CDH4: variants seen among roughly 807,000 people sequenced by gnomAD.
CDH4 encodes cadherin 4, also known as cadherin-4.
CDH4 carries 33 observed loss-of-function variants against 86.0 expected under a neutral mutation model. The ratio of observed to expected loss-of-function variants is 0.38; its 90% confidence interval spans 0.29 to 0.51. CDH4 has a LOEUF of 0.51. Ranked by LOEUF, CDH4 falls within the 20% of genes least tolerant of loss-of-function variation. The pLI is 0.86. For synonymous variants in CDH4, 555 were observed against 549.4 expected (o/e 1.01, Z -0.14); for missense variants, 1,114 against 1,307.4 (o/e 0.85, Z 2.28).
At chr20:61,640,094 G>A (rs187606470) in intron 2 of CDH4, among the ~76,000 whole-genome samples, 190 of 152,342 alleles carry the variant, frequency 1.2e-3, no homozygotes, top group Middle Eastern at 3.4e-3. Context: ...CACAGCTTCT[G>A]ATGGTTAGTG....
At chr20:61,314,080 A>G (rs1317355260) in intron 2 of CDH4, among the ~76,000 whole-genome samples, 1 of 152,250 alleles carries the variant, frequency 6.6e-6, no homozygotes, top group Non-Finnish European at 1.5e-5. Flanking sequence ...AGATCAAGTC[A>G]GTTCACATCT....
chr20:61,643,468 C>T (rs1292419750), intron 2 of CDH4, among the ~76,000 whole-genome samples: 1 of 152,210 alleles, frequency 6.6e-6, no homozygotes, highest in Non-Finnish European at 1.5e-5. Flanking sequence ...GGCAAGGCCA[C>T]TAGGGGGACC....
At chr20:61,729,230 G>A (rs528278069) in intron 2 of CDH4, among the ~76,000 whole-genome samples, 3 of 152,298 alleles carry the variant, frequency 2.0e-5, no homozygotes, top group South Asian at 2.1e-4. Context: ...CTGTGTTGGC[G>A]TGAGTGGGAG....
At chr20:61,719,192 T>A (rs1396828376) in intron 2 of CDH4, 2 of 437,124 alleles carry the variant, frequency 4.6e-6, no homozygotes, top group Admixed American at 5.5e-5. Flanking sequence ...AATCAGAGAT[T>A]TTTTTTTTTA....
intron 7 of CDH4, among the ~76,000 whole-genome samples, chr20:61,880,108 C>T (rs1984214499): frequency 6.6e-6 from 1 of 152,198 alleles, no homozygotes; most frequent in Admixed American, 6.5e-5. Context: ...TTCTCACCAC[C>T]ATCGACTTTA....
At chr20:61,711,009 C>T (rs986622338) in intron 2 of CDH4, among the ~76,000 whole-genome samples, 1 of 152,154 alleles carries the variant, frequency 6.6e-6, no homozygotes, top group Admixed American at 6.5e-5. Flanking sequence ...GCTGTGACCC[C>T]ACCCAAAATC....
intron 5 of CDH4, 73 bp from the exon 6 acceptor site, chr20:61,852,681 C>G (rs188708523): frequency 1.3e-6 from 2 of 1,515,722 alleles, no homozygotes; most frequent in African/African-American, 2.8e-5. Flanking sequence ...CCCAGCACCG[C>G]GGGTCCCAGG....
chr20:61,826,846 CAGAGGTTCTGCAGTCCACAG>C (rs1262881097), intron 4 of CDH4, among the ~76,000 whole-genome samples: 17 of 152,244 alleles, frequency 1.1e-4, no homozygotes, highest in Admixed American at 3.9e-4. Flanking sequence ...CCATCCAGTG[CAGAGGTTCTGCAGTCCACAG>C]AGAGGTCTGA....
At chr20:61,394,695 G>A (rs1486797270) in intron 2 of CDH4, among the ~76,000 whole-genome samples, 3 of 151,786 alleles carry the variant, frequency 2.0e-5, no homozygotes, top group Non-Finnish European at 4.4e-5. Flanking sequence ...GGGTGTTGGA[G>A]CCAGAACTGC....
intron 2 of CDH4, among the ~76,000 whole-genome samples, chr20:61,646,147 G>C (rs931553605): frequency 6.6e-6 from 1 of 152,086 alleles, no homozygotes; most frequent in Non-Finnish European, 1.5e-5. Flanking sequence ...TCAGAGGACC[G>C]AGCATGCAGT....
chr20:61,393,368 T>G lies in CDH4; in HGVS notation c.169+138431T>G, dbSNP rs551925020. Among the ~76,000 whole-genome samples, 61 of 152,102 alleles carry G rather than the reference T, an allele frequency of 4.0e-4. No homozygotes were observed. Among genetic ancestry groups the G allele is most frequent in the Non-Finnish European group, 7.1e-4 (48 of 67,972 alleles). On this transcript the variant is annotated intron_variant, in intron 2 of 15. Coordinates refer to ENST00000614565, the MANE Select transcript of CDH4 (RefSeq NM_001794.5). This position sits in a 1 kb window ranked among gnomAD's most constrained non-coding sequence, Gnocchi z 4.3. ...GGGGGGGGCCGGGGTCTTCCTTACC[T>G]CCTAGCTTGTGTATGGATCAACAAC...
At chr20:61,354,455 A>G (rs552469231) in intron 2 of CDH4, among the ~76,000 whole-genome samples, 1 of 152,326 alleles carries the variant, frequency 6.6e-6, no homozygotes, top group East Asian at 1.9e-4. Context: ...CCACTGATGC[A>G]CATTGACAGC....
At chr20:61,419,734 T>C (rs544755096) in intron 2 of CDH4, among the ~76,000 whole-genome samples, 19 of 151,720 alleles carry the variant, frequency 1.3e-4, no homozygotes, top group Non-Finnish European at 2.4e-4. Flanking sequence ...CCCCATTCCC[T>C]GTGTCTGGCC....
chr20:61,454,840 C>T (rs928532725), intron 2 of CDH4, among the ~76,000 whole-genome samples: 1 of 152,114 alleles, frequency 6.6e-6, no homozygotes, highest in Non-Finnish European at 1.5e-5. Context: ...TGTTCGTTTT[C>T]CCCACTACGG....
At chr20:61,565,777 G>A (rs1029223413) in intron 2 of CDH4, among the ~76,000 whole-genome samples, 31 of 152,316 alleles carry the variant, frequency 2.0e-4, no homozygotes, top group African/African-American at 6.0e-4. Flanking sequence ...CTCCTTCCAC[G>A]TAGGGAACAG....
At chr20:61,655,873 T>C (rs1303233377) in intron 2 of CDH4, among the ~76,000 whole-genome samples, 1 of 152,204 alleles carries the variant, frequency 6.6e-6, no homozygotes, top group Non-Finnish European at 1.5e-5. Flanking sequence ...GTGAAGTGTG[T>C]GGCTAATAGA....
intron 2 of CDH4, among the ~76,000 whole-genome samples, chr20:61,468,711 C>T (rs1186288951): frequency 1.3e-5 from 2 of 152,198 alleles, no homozygotes; most frequent in Non-Finnish European, 2.9e-5. Context: ...CTGCCCTTCT[C>T]ATCCATCCTT....
intron 2 of CDH4, among the ~76,000 whole-genome samples, chr20:61,658,547 C>T (rs967891696): frequency 1.6e-4 from 24 of 152,128 alleles, no homozygotes; most frequent in Admixed American, 9.8e-4. Context: ...CTCAGGAGGC[C>T]GAGTACCTGC....
intron 2 of CDH4, among the ~76,000 whole-genome samples, chr20:61,590,723 G>A (rs773804408): frequency 5.3e-5 from 8 of 152,050 alleles, no homozygotes; most frequent in African/African-American, 9.7e-5. Context: ...AGTCAGAGAC[G>A]GGACTGCAGT....
Sources: gnomAD v4.1 joint callset for allele counts (sites outside exome capture counted in the v4.1 genomes callset) on GRCh38, gnomAD v4.1.1 for gene constraint, Gnocchi (gnomAD v3.1) non-coding constraint, MANE v1.5 for transcripts, NCBI Gene and HGNC (gene_info 2026-07-23, HGNC 2026-07-21) for gene names.